The following SGSM1 variants were observed in gnomAD, a reference collection of about 807,000 sequenced individuals.
SGSM1 encodes the protein small G protein signaling modulator 1, also known as RUN and TBC1 domain containing 2.
Under a neutral mutation model 133.8 loss-of-function variants are expected in SGSM1, and 73 were observed. The ratio of observed to expected loss-of-function variants is 0.55; its 90% CI spans 0.45 to 0.66. The LOEUF is 0.66. Among genes scored for constraint, SGSM1 ranks in the 30% least tolerant of loss-of-function variants. The pLI, the probability that SGSM1 is intolerant of heterozygous loss-of-function variation, is 0.00. For synonymous variants in SGSM1, 563 were observed against 573.0 expected (o/e 0.98, Z 0.25); for missense variants, 1,213 against 1,448.1 (o/e 0.84, Z 2.64).
chr22:24,806,529 A>C, intron 2 of SGSM1, 45 bp downstream of exon 2: 1 of 1,487,074 alleles, frequency 6.7e-7, no homozygotes. Context: ...CCCCGGCAGC[A>C]GCGGCCAAAC....
At chr22:24,812,179 A>AG (rs1364691492) in intron 2 of SGSM1, among the ~76,000 whole-genome samples, 19 of 150,946 alleles carry the variant, frequency 1.3e-4, no homozygotes, top group African/African-American at 4.4e-4. Flanking sequence ...CAAAAAAAGA[A>AG]AAAAAAAAAG....
intron 9 of SGSM1, 113 bp downstream of exon 9, chr22:24,859,953 C>T: frequency 2.1e-6 from 3 of 1,448,906 alleles, no homozygotes. Context: ...TCTGCCCCCT[C>T]CTCTGCCTGG....
At chr22:24,832,329 C>A (rs713715) in intron 2 of SGSM1, among the ~76,000 whole-genome samples, 2 of 152,104 alleles carry the variant, frequency 1.3e-5, no homozygotes, top group African/African-American at 4.8e-5. Flanking sequence ...TGGCAAGTGC[C>A]GGGCACATAT....
chr22:24,886,741 C>A lies in SGSM1; in HGVS notation c.1770+13C>A. The A allele has an allele frequency of 6.3e-7, 1 of 1,577,318 alleles. No homozygotes were observed. ...AGAAAGGAAAGAGGTCGGTTACCTG[C>A]CATGGGCACTGGGATCTTTGGCAAC... On this transcript the variant is annotated intron_variant, in intron 16 of 24. Coordinates refer to ENST00000400358, the MANE Select transcript of SGSM1 (RefSeq NM_001098497.3).
intron 2 of SGSM1, among the ~76,000 whole-genome samples, chr22:24,831,200 TAGG>T (rs1929101631): frequency 1.3e-5 from 2 of 149,900 alleles, no homozygotes; most frequent in Non-Finnish European, 3.0e-5. Context: ...GCAGGTGGGT[TAGG>T]AGGAGGTGCT....
At chr22:24,839,607 T>C (rs1929670841) in intron 2 of SGSM1, among the ~76,000 whole-genome samples, 1 of 152,248 alleles carries the variant, frequency 6.6e-6, no homozygotes, top group African/African-American at 2.4e-5. Flanking sequence ...TGAAGCCATG[T>C]GGTCCTGGGC....
At chr22:24,888,982 G>T (rs1257169133) in intron 16 of SGSM1, among the ~76,000 whole-genome samples, 54 of 110,460 alleles carry the variant, frequency 4.9e-4, no homozygotes, top group African/African-American at 1.9e-3. Context: ...GTGTCTGTCT[G>T]TCAGAGTCTT....
At chr22:24,888,772 C>G (rs530624794) in intron 16 of SGSM1, among the ~76,000 whole-genome samples, 1 of 151,692 alleles carries the variant, frequency 6.6e-6, no homozygotes, top group African/African-American at 2.4e-5. Context: ...GAGCAAGACT[C>G]CATCTCAAAA....
intron 16 of SGSM1, among the ~76,000 whole-genome samples, chr22:24,892,037 G>A (rs569664941): frequency 4.6e-5 from 7 of 152,128 alleles, no homozygotes; most frequent in African/African-American, 1.7e-4. Flanking sequence ...CAAGGATCAC[G>A]ACTGCTAAGT....
chr22:24,814,022 G>A (rs1411892864), intron 2 of SGSM1: 1 of 152,134 alleles, frequency 6.6e-6, no homozygotes, highest in Non-Finnish European at 1.5e-5. Flanking sequence ...CCTTCTCAAG[G>A]TCTCACTTTC....
At chr22:24,918,540 C>T (rs892796156) in intron 23 of SGSM1, among the ~76,000 whole-genome samples, 7 of 151,562 alleles carry the variant, frequency 4.6e-5, no homozygotes, top group African/African-American at 1.5e-4. Context: ...TTTAGTGCCA[C>T]GCACTGTGCT....
chr22:24,817,670 G>C (rs899026159), intron 2 of SGSM1, among the ~76,000 whole-genome samples: 1 of 151,702 alleles, frequency 6.6e-6, no homozygotes, highest in Non-Finnish European at 1.5e-5. Flanking sequence ...CTCAGCTTTC[G>C]TCAGGACCTC....
rs1569126265 is a variant in SGSM1 at position 24,806,252 on chromosome 22, C to T, written c.-74C>T. On this transcript the variant is annotated 5_prime_UTR_variant, in exon 1 of 25. Transcript: ENST00000400358. Reference sequence around the variant, plus strand: ...CGCCCCGCCGCGGCTGCAGCAGCAGCGCCGCGGCCGGAGGAGCTACCGCCG... The same window carrying T: ...CGCCCCGCCGCGGCTGCAGCAGCAGTGCCGCGGCCGGAGGAGCTACCGCCG... 7.4e-7 allele frequency: 1 copy of T among 1,342,444 alleles called. No homozygotes were observed. Among genetic ancestry groups the T allele is most frequent in the Non-Finnish European group, 9.5e-7 (1 of 1,053,450 alleles). The allele number at this position is 1,342,444 out of a possible 1,614,324, so 83.2% of individuals were successfully genotyped here.
intron 15 of SGSM1, 30 bp from the exon 16 acceptor site, chr22:24,886,570 A>G (rs368927936): frequency 6.5e-7 from 1 of 1,547,806 alleles, no homozygotes; most frequent in African/African-American, 1.4e-5. Context: ...TCTGTTGACC[A>G]AACTCTTTGC....
chr22:24,901,827 C>A lies in SGSM1; in HGVS notation c.2611-6C>A. 1 of 1,612,684 alleles carries A rather than the reference C, an allele frequency of 6.2e-7. No homozygotes were observed. Among genetic ancestry groups the A allele is most frequent in the Non-Finnish European group, 8.5e-7 (1 of 1,179,464 alleles). ...TCCCCCTACCCCCTGCCCCGATGGC[C>A]TATAGCCAGAGCTGCTGGATCTGTA... is the stretch of plus-strand genomic sequence containing the variant. On this transcript the variant is annotated splice_polypyrimidine_tract_variant and splice_region_variant and intron_variant, in intron 19 of 24. Coordinates refer to ENST00000400358, the MANE Select transcript of SGSM1 (RefSeq NM_001098497.3).
rs775661048 is a variant in SGSM1, at chr22:24,895,270, C to T, written c.2001C>T (p.Ser667=). The change falls in exon 18 of 25, where the codon AGC becomes AGT. Residue 667 remains serine, a synonymous_variant. Transcript: ENST00000400358. ...SSGRQNIRLH[S]DSSSSTQVFE... is the part of the protein sequence containing the mutation. ...GCCGCCAGAACATCCGCCTGCACAG[C>T]GACTCCAGCAGCAGCACACAGGTGA... 3.7e-6 allele frequency: 6 copies of T among 1,612,026 alleles called. No individual in the cohort carries two copies. Among genetic ancestry groups the T allele is most frequent in the East Asian group, 2.2e-5 (1 of 44,806 alleles).
At chr22:24,879,913 G>A (rs888784624) in intron 14 of SGSM1, among the ~76,000 whole-genome samples, 14 of 152,186 alleles carry the variant, frequency 9.2e-5, no homozygotes, top group Admixed American at 5.2e-4. Context: ...TCCTTCTCTC[G>A]TGGGCAGAAA....
At chr22:24,854,748 C>G (rs376981449) in intron 5 of SGSM1, among the ~76,000 whole-genome samples, 1 of 152,262 alleles carries the variant, frequency 6.6e-6, no homozygotes, top group East Asian at 1.9e-4. Context: ...CCCAGGAGTT[C>G]GAGGTTACAG....
chr22:24,819,078 G>A (rs562738021), intron 2 of SGSM1, among the ~76,000 whole-genome samples: 2 of 151,180 alleles, frequency 1.3e-5, no homozygotes, highest in African/African-American at 2.4e-5. Flanking sequence ...CCTGGGAGGC[G>A]GAGCTTGCAG....
Sources: gnomAD v4.1 joint callset for allele counts (sites outside exome capture counted in the v4.1 genomes callset) on GRCh38, gnomAD v4.1.1 for gene constraint, MANE v1.5 for transcripts, NCBI Gene and HGNC (gene_info 2026-07-23, HGNC 2026-07-21) for gene names.